Variants in JMY observed in about 807,000 individuals in gnomAD.
JMY encodes junction-mediating and -regulatory protein.
JMY carries 46 observed loss-of-function variants against 103.3 expected under a neutral mutation model. That is an observed-to-expected ratio of 0.45 (90% CI 0.35 to 0.57). The LOEUF (loss-of-function observed/expected upper bound fraction) is 0.57. JMY is among the 20% of genes least tolerant of loss of function. JMY has a pLI of 0.00. For synonymous variants in JMY, 526 were observed against 489.3 expected (o/e 1.07, Z -0.99); for missense variants, 1,238 against 1,255.2 (o/e 0.99, Z 0.21).
intron 4 of JMY, among the ~76,000 whole-genome samples, chr5:79,291,507 A>G (rs1746424816): frequency 6.6e-6 from 1 of 152,236 alleles, no homozygotes; most frequent in African/African-American, 2.4e-5. Context: ...GATGGTTGGC[A>G]GCACTGCACT....
chr5:79,288,669 C>CT (rs111459641), intron 2 of JMY, among the ~76,000 whole-genome samples: 1,970 of 147,342 alleles, frequency 0.013, 38 homozygotes, highest in African/African-American at 0.044. Flanking sequence ...TCACTCATGA[C>CT]TTTTTTTTTT....
At chr5:79,287,666 A>G (rs1746306025) in intron 2 of JMY, among the ~76,000 whole-genome samples, 1 of 152,194 alleles carries the variant, frequency 6.6e-6, no homozygotes, top group Admixed American at 6.5e-5. Flanking sequence ...TCTAAAGAAA[A>G]GAAAAATTTA....
rs747640794 is a variant in JMY at position 79,287,686 on chromosome 5, A to G, written c.1207-2435A>G. On this transcript the variant is annotated intron_variant, in intron 2 of 10. Transcript: ENST00000396137. ...AGAAAAGAAAAATTTAAAGTCAGTTAAACAGCAGCTTAAAAGAAAAGCATA... is the reference window on the plus strand; with the variant it reads ...AGAAAAGAAAAATTTAAAGTCAGTTGAACAGCAGCTTAAAAGAAAAGCATA... 5.0e-4 allele frequency among the ~76,000 whole-genome samples: 76 copies of G among 152,202 alleles called. 1 individual carries two copies. The highest frequency in any genetic ancestry group is 5.2e-4 in the Admixed American group (8 of 15,288).
Position 79,281,025 on chromosome 5 carries a change from A to ATTTATT in JMY, c.1206+2962_1206+2967dup, listed in dbSNP as rs199882477. On this transcript the variant is annotated intron_variant, in intron 2 of 10. Coordinates refer to ENST00000396137, the MANE Select transcript of JMY (RefSeq NM_152405.5). ...ATTAGTAATAGAAAAAAAGAAAATA[A>ATTTATT]TTTATTTTTATTTTTATTTTTATTT... Among the ~76,000 whole-genome samples, 6 of 151,056 alleles carry ATTTATT rather than the reference A, an allele frequency of 4.0e-5. No individual in the cohort carries two copies. The South Asian group carries it at 6.2e-4, about 16-fold the overall frequency.
rs1747542552 is a variant in JMY at position 79,323,856 on chromosome 5, A to C, written c.*2254A>C. ...GAGGGTGGAGGGTGTGTAGAACTCC[A>C]CTCAGCCTCATGGATACATCTACAA... On this transcript the variant is annotated 3_prime_UTR_variant, in exon 11 of 11. Coordinates refer to ENST00000396137, the MANE Select transcript of JMY (RefSeq NM_152405.5). 6.6e-6 allele frequency: 1 copy of C among 151,024 alleles called. No homozygotes were observed. Among genetic ancestry groups the C allele is most frequent in the African/African-American group, 2.4e-5 (1 of 41,034 alleles). 9.4% of individuals were successfully genotyped at this position (151,024 alleles called of 1,614,324 possible). A position where few individuals can be genotyped will look rare whatever the true frequency, so the allele number is the denominator to read the frequency against.
At position 79,263,497 on chromosome 5, in the gene JMY, G is replaced by A. The variant is rs544613393; in HGVS notation, c.1033-14413G>A. Reference sequence around the variant, plus strand: ...CAACCTCCATCTCCCGGGCTCAAGTGATCCTGCAGCCTCAACTTCCTGACT... The same window carrying A: ...CAACCTCCATCTCCCGGGCTCAAGTAATCCTGCAGCCTCAACTTCCTGACT... On this transcript the variant is annotated intron_variant, in intron 1 of 10. Coordinates refer to ENST00000396137, the MANE Select transcript of JMY (RefSeq NM_152405.5). Among the ~76,000 whole-genome samples the A allele has an allele frequency of 3.3e-5, 5 of 152,216 alleles. No homozygotes were observed. The South Asian group carries it at 6.2e-4, about 19-fold the overall frequency.
chr5:79,290,582 G>C (rs1455461852), intron 3 of JMY, among the ~76,000 whole-genome samples: 1 of 152,178 alleles, frequency 6.6e-6, no homozygotes, highest in East Asian at 1.9e-4. Context: ...CCGGACATGT[G>C]AGAGTATTTT....
At chr5:79,241,222 G>C (rs1744731344) in intron 1 of JMY, among the ~76,000 whole-genome samples, 1 of 152,014 alleles carries the variant, frequency 6.6e-6, no homozygotes, top group Non-Finnish European at 1.5e-5. Flanking sequence ...AGCTTTTCAA[G>C]GTCCTTGGCT....
intron 1 of JMY, among the ~76,000 whole-genome samples, chr5:79,238,513 TAA>T (rs747827739): frequency 6.6e-6 from 1 of 152,204 alleles, no homozygotes; most frequent in African/African-American, 2.4e-5. Context: ...GGAACTTTAC[TAA>T]AAAAGTCTTT....
chr5:79,240,340 T>C (rs920751802), intron 1 of JMY, among the ~76,000 whole-genome samples: 2 of 150,532 alleles, frequency 1.3e-5, no homozygotes, highest in East Asian at 3.9e-4. Flanking sequence ...AAACAGAGTT[T>C]TGCACTATTG....
intron 1 of JMY, among the ~76,000 whole-genome samples, chr5:79,240,321 G>A (rs1429782166): frequency 7.3e-6 from 1 of 137,446 alleles, no homozygotes; most frequent in African/African-American, 2.8e-5. Flanking sequence ...GCCTCCCCCC[G>A]CCCCCTCCAA....
chr5:79,293,201 T>A (rs1276009991), intron 4 of JMY, among the ~76,000 whole-genome samples: 2 of 152,276 alleles, frequency 1.3e-5, no homozygotes, highest in African/African-American at 4.8e-5. Context: ...AAATTTAATT[T>A]AAAAATTAAA....
At chr5:79,251,761 A>AT (rs925351244) in intron 1 of JMY, among the ~76,000 whole-genome samples, 4 of 145,432 alleles carry the variant, frequency 2.8e-5, no homozygotes, top group Non-Finnish European at 4.5e-5. Context: ...TGTGATTTTT[A>AT]TTTTTTTATT....
In JMY at chr5:79,284,991, C is replaced by T; in HGVS notation, c.1207-5130C>T. 12 of 978,666 alleles carry T rather than the reference C, an allele frequency of 1.2e-5. 1 individual carries two copies. The South Asian group carries it at 1.8e-4, about 14-fold the overall frequency. The allele number at this position is 978,666 out of a possible 1,614,324, so 60.6% of individuals were successfully genotyped here. On this transcript the variant is annotated intron_variant, in intron 2 of 10. Transcript: ENST00000396137. ...AATGAAGTTGAAACTAGACGAACCTCTAGATTTTTAAATCCAGTGTCTTTA... is the reference window on the plus strand; with the variant it reads ...AATGAAGTTGAAACTAGACGAACCTTTAGATTTTTAAATCCAGTGTCTTTA...
At chr5:79,299,663 A>G (rs928238340) in intron 4 of JMY, among the ~76,000 whole-genome samples, 1 of 152,070 alleles carries the variant, frequency 6.6e-6, no homozygotes, top group Admixed American at 6.6e-5. Context: ...ACATATTCTC[A>G]CCTCACTCTA....
At chr5:79,240,877 G>A (rs1744718545) in intron 1 of JMY, among the ~76,000 whole-genome samples, 3 of 152,180 alleles carry the variant, frequency 2.0e-5, no homozygotes. Context: ...TATAGAAGTT[G>A]TGCCATGTTT....
Position 79,236,875 on chromosome 5 carries a change from C to T in JMY, c.225C>T (p.Ser75=). 7.2e-6 allele frequency: 10 copies of T among 1,394,928 alleles called. No homozygotes were observed. Among genetic ancestry groups the T allele is most frequent in the South Asian group, 1.7e-5 (1 of 58,390 alleles). The allele number at this position is 1,394,928 out of a possible 1,614,324, so 86.4% of individuals were successfully genotyped here. A position where few individuals can be genotyped will look rare whatever the true frequency, so the allele number is the denominator to read the frequency against. The stretch of plus-strand genomic sequence containing the variant: ...GCGCCGAGGCCGGCGGAGCTGCGTC[C>T]GACGGGAGCCGCGGGCCCGGCAGCC... ...RGGAEAGGAA[S]DGSRGPGSPA... The change falls in exon 1 of 11, where the codon TCC becomes TCT. Residue 75 remains serine (S), a synonymous_variant. Transcript: ENST00000396137.
chr5:79,322,138 C>T lies in JMY; in HGVS notation c.*536C>T, dbSNP rs151206478. The T allele has an allele frequency of 1.2e-4, 19 of 152,246 alleles. No homozygotes were observed. Among genetic ancestry groups the T allele is most frequent in the African/African-American group, 4.1e-4 (17 of 41,552 alleles). 9.4% of individuals were successfully genotyped at this position (152,246 alleles called of 1,614,324 possible). A position where few individuals can be genotyped will look rare whatever the true frequency, so the allele number is the denominator to read the frequency against. On this transcript the variant is annotated 3_prime_UTR_variant, in exon 11 of 11. Transcript: ENST00000396137. ...CAAATGGAAATACACCTAAAATGTCCGCATTACTCATTTCCAAAGGATTTT... is the reference window on the plus strand; with the variant it reads ...CAAATGGAAATACACCTAAAATGTCTGCATTACTCATTTCCAAAGGATTTT...
rs768171769 is a variant in JMY, at chr5:79,236,714, G to A, written c.64G>A (p.Asp22Asn). ...DWVAVRPHVF[D>N]EREKHKFVFI... ...GGTGGCTGTGCGGCCCCATGTGTTC[G>A]ACGAGCGCGAGAAACACAAATTCGT... Residue 22 changes from aspartate to asparagine, a missense_variant, in exon 1 of 11, where the codon GAC becomes AAC. Asp to Asn is a conservative substitution (Grantham distance 23). Coordinates refer to ENST00000396137, the MANE Select transcript of JMY (RefSeq NM_152405.5). 9.3e-6 allele frequency: 14 copies of A among 1,501,750 alleles called. No individual in the cohort carries two copies. Among genetic ancestry groups the A allele is most frequent in the Non-Finnish European group, 1.2e-5 (13 of 1,122,676 alleles). The allele number at this position is 1,501,750 out of a possible 1,614,324, so 93.0% of individuals were successfully genotyped here.
Sources: gnomAD v4.1 joint callset for allele counts (sites outside exome capture counted in the v4.1 genomes callset) on GRCh38, gnomAD v4.1.1 for gene constraint, MANE v1.5 for transcripts, NCBI Gene and HGNC (gene_info 2026-07-23, HGNC 2026-07-21) for gene names.